Variants in MAPK6 observed in about 807,000 individuals in gnomAD.
MAPK6 encodes the protein mitogen-activated protein kinase 6.
In MAPK6, 19 loss-of-function variants were observed where a neutral mutation model predicts 59.3. That is an observed-to-expected ratio of 0.32 (90% CI 0.22 to 0.47). MAPK6 has a LOEUF of 0.47. Among genes scored for constraint, MAPK6 ranks in the 20% least tolerant of loss-of-function variants. MAPK6 has a pLI of 1.00. For missense variants in MAPK6, 724 were observed against 847.9 expected (o/e 0.85, Z 1.81); for synonymous variants, 316 against 290.3 (o/e 1.09, Z -0.90).
At chr15:52,014,296 A>G (rs1385195281), upstream of MAPK6, among the ~76,000 whole-genome samples, 1 of 152,206 alleles carries the variant, frequency 6.6e-6, no homozygotes, top group Non-Finnish European at 1.5e-5. Flanking sequence ...TAGCAATAGC[A>G]TAGCTCACAA....
intron 1 of MAPK6, among the ~76,000 whole-genome samples, chr15:52,040,668 A>T (rs558984540): frequency 1.3e-5 from 2 of 152,210 alleles, no homozygotes; most frequent in South Asian, 4.2e-4. Context: ...CTTAGGCTTG[A>T]CTCCCAGTAC....
chr15:51,997,976 G>C (rs1052205788), intron 2 of MAPK6, among the ~76,000 whole-genome samples: 3 of 140,090 alleles, frequency 2.1e-5, no homozygotes, highest in African/African-American at 8.3e-5. Context: ...ACAAAGTCTC[G>C]CTCTGTCACC....
intron 1 of MAPK6, among the ~76,000 whole-genome samples, chr15:52,022,772 T>C (rs1390642477): frequency 6.6e-6 from 1 of 151,978 alleles, no homozygotes; most frequent in Non-Finnish European, 1.5e-5. Context: ...TTCGGCATTG[T>C]TTTCAAATAT....
chr15:52,046,349 C>A lies in MAPK6; in HGVS notation c.-112C>A. On this transcript the variant is annotated 5_prime_UTR_variant, in exon 2 of 6. Coordinates refer to ENST00000261845, the MANE Select transcript of MAPK6 (RefSeq NM_002748.4). The stretch of plus-strand genomic sequence containing the variant: ...TCAAGAAACCATCTTGCTGTGGAAG[C>A]ATAATTATTTTTCTTCTCCCTTTTT... 1.3e-6 allele frequency: 1 copy of A among 789,590 alleles called. No individual in the cohort carries two copies. Among genetic ancestry groups the A allele is most frequent in the Non-Finnish European group, 2.1e-6 (1 of 481,252 alleles). 48.9% of individuals were successfully genotyped at this position (789,590 alleles called of 1,614,324 possible).
chr15:51,992,247 C>T (rs905215764), intron 2 of MAPK6, among the ~76,000 whole-genome samples: 7 of 149,582 alleles, frequency 4.7e-5, no homozygotes, highest in Admixed American at 1.3e-4. Context: ...CATGAGCCAC[C>T]GCACCCGGCT....
chr15:52,046,902 G>C lies in MAPK6; in HGVS notation c.442G>C (p.Val148Leu). 6.2e-7 allele frequency: 1 copy of C among 1,613,924 alleles called. No individual in the cohort carries two copies. The highest frequency in any genetic ancestry group is 8.5e-7 in the Non-Finnish European group (1 of 1,179,908). ...GCTCAAGTATATTCACTCTGCAAAT[G>C]TACTGCACAGAGATCTCAAACCAGC... Reference protein sequence around the residue: ...RGLKYIHSANVLHRDLKPANL... With the variant: ...RGLKYIHSANLLHRDLKPANL... The change falls in exon 2 of 6, where the codon GTA becomes CTA. Residue 148 changes from valine to leucine, a missense_variant. By Grantham distance (32) the Val-to-Leu change is conservative. Coordinates refer to ENST00000261845, the MANE Select transcript of MAPK6 (RefSeq NM_002748.4).
chr15:52,025,457 C>T (rs113649902), intron 1 of MAPK6, among the ~76,000 whole-genome samples: 3 of 152,258 alleles, frequency 2.0e-5, no homozygotes, highest in Non-Finnish European at 1.5e-5. Flanking sequence ...GAATACTTGA[C>T]GAGCAAGTAG....
rs1404658067 is a variant in MAPK6, at chr15:52,065,929, G to T, written c.*929G>T. On this transcript the variant is annotated 3_prime_UTR_variant, in exon 6 of 6. Coordinates refer to ENST00000261845, the MANE Select transcript of MAPK6 (RefSeq NM_002748.4). ...CTATCTACAAAGAAAAATTAATTAG[G>T]AATTACTTTATTATAAAATGCTCCT... 6.6e-6 allele frequency: 1 copy of T among 152,324 alleles called. No homozygotes were observed. Among genetic ancestry groups the T allele is most frequent in the Non-Finnish European group, 1.5e-5 (1 of 67,992 alleles). 9.4% of individuals were successfully genotyped at this position (152,324 alleles called of 1,614,324 possible).
chr15:52,047,074 G>A lies in MAPK6; in HGVS notation c.555+59G>A. Reference sequence around the variant, plus strand: ...AAACTGATACACCTAATCAGGAATAGGTACTTATATTTTCTTTGTATATTG... The same window carrying A: ...AAACTGATACACCTAATCAGGAATAAGTACTTATATTTTCTTTGTATATTG... On this transcript the variant is annotated intron_variant, in intron 2 of 5. Transcript: ENST00000261845. The A allele has an allele frequency of 3.3e-6, 4 of 1,230,076 alleles. No individual in the cohort carries two copies. The South Asian group carries it at 6.8e-5, about 21-fold the overall frequency. 76.2% of individuals were successfully genotyped at this position (1,230,076 alleles called of 1,614,324 possible). A position where few individuals can be genotyped will look rare whatever the true frequency, so the allele number is the denominator to read the frequency against.
intron 3 of MAPK6, among the ~76,000 whole-genome samples, chr15:52,052,387 A>G (rs1263896594): frequency 6.6e-6 from 1 of 152,258 alleles, no homozygotes; most frequent in Non-Finnish European, 1.5e-5. Context: ...AAGCCAGTAT[A>G]TCTTTCTTTA....
upstream of MAPK6, among the ~76,000 whole-genome samples, chr15:52,016,659 C>T (rs2141838895): frequency 6.6e-6 from 1 of 152,304 alleles, no homozygotes; most frequent in East Asian, 1.9e-4. Context: ...CTCTTCAAAA[C>T]TCTCCCCCTC....
intron 3 of MAPK6, among the ~76,000 whole-genome samples, chr15:52,011,906 G>C (rs1195565573): frequency 6.6e-6 from 1 of 152,188 alleles, no homozygotes; most frequent in African/African-American, 2.4e-5. Context: ...GAAGCTTCAA[G>C]TTGGAGACCA....
intron 1 of MAPK6, among the ~76,000 whole-genome samples, chr15:52,045,616 T>G (rs1014107995): frequency 2.0e-5 from 3 of 152,124 alleles, no homozygotes; most frequent in Non-Finnish European, 2.9e-5. Context: ...TCTAGTGTAG[T>G]GAAATCTGGA....
At chr15:52,040,804 G>C (rs1469118013) in intron 1 of MAPK6, among the ~76,000 whole-genome samples, 1 of 152,172 alleles carries the variant, frequency 6.6e-6, no homozygotes, top group Non-Finnish European at 1.5e-5. Flanking sequence ...TATAAACTTA[G>C]GAAGCTGGTA....
chr15:51,993,856 A>G (rs1337505307), intron 2 of MAPK6, among the ~76,000 whole-genome samples: 1 of 147,822 alleles, frequency 6.8e-6, no homozygotes, highest in African/African-American at 2.5e-5. Flanking sequence ...CTAGTCTCAA[A>G]CTCCTGGACT....
In MAPK6 at chr15:52,053,660, G is replaced by A. The variant is rs1451945263; in HGVS notation, c.700+3523G>A. Among the ~76,000 whole-genome samples the A allele has an allele frequency of 7.9e-5, 12 of 151,704 alleles. No homozygotes were observed. In the East Asian group the frequency reaches 2.1e-3, roughly 27 times the overall value. On this transcript the variant is annotated intron_variant, in intron 3 of 5. Coordinates refer to ENST00000261845, the MANE Select transcript of MAPK6 (RefSeq NM_002748.4). ...ATTGATTGATTGATTGATTTTTTAA[G>A]ACAGAGTCTTGCTCTCTTGCCTGGG... is the stretch of plus-strand genomic sequence containing the variant.
chr15:51,982,473 A>G (rs1163299201), intron 1 of MAPK6, among the ~76,000 whole-genome samples: 5 of 152,210 alleles, frequency 3.3e-5, no homozygotes, highest in Admixed American at 3.3e-4. Flanking sequence ...AGAGATCTCA[A>G]TCATATGTAA....
chr15:51,994,971 T>C (rs887716484), intron 2 of MAPK6, among the ~76,000 whole-genome samples: 2 of 152,222 alleles, frequency 1.3e-5, no homozygotes, highest in African/African-American at 4.8e-5. Flanking sequence ...TGAACATTGC[T>C]GATTGTGATG....
chr15:52,056,467 C>T (rs1303941000), intron 3 of MAPK6, among the ~76,000 whole-genome samples: 1 of 152,190 alleles, frequency 6.6e-6, no homozygotes, highest in Non-Finnish European at 1.5e-5. Flanking sequence ...GCTCTTAATT[C>T]CTCTGCTTAC....
Sources: gnomAD v4.1 joint callset for allele counts (sites outside exome capture counted in the v4.1 genomes callset) on GRCh38, gnomAD v4.1.1 for gene constraint, MANE v1.5 for transcripts, NCBI Gene and HGNC (gene_info 2026-07-23, HGNC 2026-07-21) for gene names.